The following CRTAM variants were observed in gnomAD, a reference collection of about 807,000 sequenced individuals.
CRTAM encodes the protein cytotoxic and regulatory T-cell molecule.
Under a neutral mutation model 50.0 loss-of-function variants are expected in CRTAM, and 44 were observed. That is an observed-to-expected ratio of 0.88 (90% CI 0.69 to 1.13). CRTAM has a LOEUF of 1.13. Among genes scored for constraint, CRTAM ranks in the 50% most tolerant of loss-of-function variants. The pLI is 0.00. For missense variants in CRTAM, 448 were observed against 457.5 expected (o/e 0.98, Z 0.19); for synonymous variants, 159 against 169.3 (o/e 0.94, Z 0.47).
intron 2 of CRTAM, 51 bp downstream of exon 2, chr11:122,850,265 T>G: frequency 6.6e-7 from 1 of 1,520,628 alleles, no homozygotes; most frequent in Non-Finnish European, 8.9e-7. Context: ...ACCTGAGGGT[T>G]TTTCCAGCCG....
chr11:122,849,747 C>T (rs1479784656), intron 1 of CRTAM, among the ~76,000 whole-genome samples: 1 of 151,874 alleles, frequency 6.6e-6, no homozygotes, highest in Non-Finnish European at 1.5e-5. Flanking sequence ...AAATTCAATA[C>T]AGGTAAATGG....
intron 8 of CRTAM, 87 bp from the exon 9 acceptor site, chr11:122,867,926 A>G (rs1448474672): frequency 1.3e-6 from 1 of 784,898 alleles, no homozygotes; most frequent in Non-Finnish European, 2.2e-6. Context: ...ACTATTGCAC[A>G]GTAACAGAGG....
intron 5 of CRTAM, among the ~76,000 whole-genome samples, chr11:122,859,904 A>G (rs942068772): frequency 6.6e-6 from 1 of 151,530 alleles, no homozygotes; most frequent in Non-Finnish European, 1.5e-5. Context: ...TCCAATGTTG[A>G]TATATTTCAG....
chr11:122,858,732 G>A (rs1231901504), intron 5 of CRTAM, among the ~76,000 whole-genome samples: 2 of 151,636 alleles, frequency 1.3e-5, no homozygotes, highest in Non-Finnish European at 2.9e-5. Flanking sequence ...TCTCATTATG[G>A]TGCCCAGGCT....
chr11:122,851,301 T>C (rs1861926065), intron 2 of CRTAM, among the ~76,000 whole-genome samples: 1 of 152,050 alleles, frequency 6.6e-6, no homozygotes, highest in African/African-American at 2.4e-5. Context: ...TTTGAAAGCA[T>C]TATTAGATAC....
At chr11:122,850,777 T>C (rs993362006) in intron 2 of CRTAM, among the ~76,000 whole-genome samples, 1 of 152,192 alleles carries the variant, frequency 6.6e-6, no homozygotes, top group Admixed American at 6.5e-5. Flanking sequence ...CAAACACACA[T>C]GAAGAAAGTA....
At chr11:122,849,088 A>G (rs893139794) in intron 1 of CRTAM, among the ~76,000 whole-genome samples, 1 of 152,164 alleles carries the variant, frequency 6.6e-6, no homozygotes, top group Non-Finnish European at 1.5e-5. Flanking sequence ...ATCTTAGAAC[A>G]TCCTCCCTCT....
At chr11:122,860,948 C>T (rs1039519940) in intron 5 of CRTAM, among the ~76,000 whole-genome samples, 15 of 152,164 alleles carry the variant, frequency 9.9e-5, no homozygotes, top group Non-Finnish European at 1.3e-4. Flanking sequence ...CTGCCTGCCT[C>T]GGCCCCCCAC....
chr11:122,864,815 C>G (rs1367220967), intron 7 of CRTAM, 96 bp downstream of exon 7: 1 of 847,158 alleles, frequency 1.2e-6, no homozygotes, highest in East Asian at 2.6e-5. Context: ...CTTTTCTTGA[C>G]CTTTCTGCCC....
chr11:122,844,142 G>C (rs572958636), intron 1 of CRTAM, among the ~76,000 whole-genome samples: 3 of 152,280 alleles, frequency 2.0e-5, no homozygotes, highest in Admixed American at 6.5e-5. Flanking sequence ...CTCAGCAAGT[G>C]CAAACATTAA....
At chr11:122,849,271 C>T (rs753780703) in intron 1 of CRTAM, among the ~76,000 whole-genome samples, 16 of 152,182 alleles carry the variant, frequency 1.1e-4, no homozygotes, top group Non-Finnish European at 1.8e-4. Context: ...TTTTCTGGGG[C>T]CTTGTGGCTT....
chr11:122,865,726 C>A (rs1862163358), intron 7 of CRTAM, among the ~76,000 whole-genome samples: 1 of 152,226 alleles, frequency 6.6e-6, no homozygotes, highest in Non-Finnish European at 1.5e-5. Context: ...ACAGCACCTT[C>A]TCCCACAAAA....
At chr11:122,862,663 G>A (rs1862102497) in intron 6 of CRTAM, 119 bp downstream of exon 6, 1 of 654,084 alleles carries the variant, frequency 1.5e-6, no homozygotes, top group East Asian at 2.7e-5. Context: ...AGACCATACA[G>A]GCCCCTCCAA....
rs551040862 is a variant in CRTAM, at chr11:122,863,142, T to G, written c.733+598T>G. 2.0e-5 allele frequency among the ~76,000 whole-genome samples: 3 copies of G among 152,142 alleles called. No homozygotes were observed. The South Asian group carries it at 6.2e-4, about 32-fold the overall frequency. Reference sequence around the variant, plus strand: ...GACAGTGAACTCACTAGAGGTTAACTCAGAGCAATGATTGTATATCTAATT... The same window carrying G: ...GACAGTGAACTCACTAGAGGTTAACGCAGAGCAATGATTGTATATCTAATT... On this transcript the variant is annotated intron_variant, in intron 6 of 9. Coordinates refer to ENST00000227348, the MANE Select transcript of CRTAM (RefSeq NM_019604.4).
rs147076678 is a variant in CRTAM, at chr11:122,840,267, G to A, written c.46+1675G>A. On this transcript the variant is annotated intron_variant, in intron 1 of 9. Transcript: ENST00000227348. Reference sequence around the variant, plus strand: ...TGTGTTAATTACACTTAATCATAGCGGAAGTACTGAGGTAGGTACTAATAT... The same window carrying A: ...TGTGTTAATTACACTTAATCATAGCAGAAGTACTGAGGTAGGTACTAATAT... Among the ~76,000 whole-genome samples, 6 of 152,208 alleles carry A rather than the reference G, an allele frequency of 3.9e-5. No homozygotes were observed. The East Asian group carries it at 7.7e-4, about 20-fold the overall frequency.
At position 122,838,530 on chromosome 11, in the gene CRTAM, C is replaced by G. The variant is rs760851503; in HGVS notation, c.-17C>G. ...CTAGAGGAAGTTGACAAAGGTGCCA[C>G]AGCAGCACAGCACAGTATGTGGTGG... On this transcript the variant is annotated 5_prime_UTR_variant, in exon 1 of 10. Transcript: ENST00000227348. The G allele has an allele frequency of 1.2e-6, 2 of 1,613,564 alleles. No homozygotes were observed. Among genetic ancestry groups the G allele is most frequent in the African/African-American group, 2.7e-5 (2 of 75,044 alleles).
At chr11:122,850,648 G>A (rs1861918615) in intron 2 of CRTAM, among the ~76,000 whole-genome samples, 1 of 152,166 alleles carries the variant, frequency 6.6e-6, no homozygotes, top group Non-Finnish European at 1.5e-5. Flanking sequence ...ACATTACAAA[G>A]CTCCTTTCCA....
At chr11:122,856,287 C>T (rs1438804956) in intron 5 of CRTAM, among the ~76,000 whole-genome samples, 1 of 152,050 alleles carries the variant, frequency 6.6e-6, no homozygotes, top group Non-Finnish European at 1.5e-5. Flanking sequence ...AGACATAATT[C>T]CTGTTTAGAT....
In CRTAM at chr11:122,862,536, C is replaced by T. The variant is rs763317059; in HGVS notation, c.725C>T (p.Thr242Ile). 2.5e-6 allele frequency: 4 copies of T among 1,596,020 alleles called. No individual in the cohort carries two copies. The African/African-American group carries it at 5.4e-5, about 21-fold the overall frequency. The change falls in exon 6 of 10, where the codon ACC becomes ATC. Residue 242 changes from threonine (T) to isoleucine (I), a missense_variant. Transcript: ENST00000227348. ...TCCTCTCAAGACCCACAGCAGCCCA[C>T]CAGTACTGGTAAGTGTCAAAATCAT... is the stretch of plus-strand genomic sequence containing the variant. Reference protein sequence around the residue: ...SLSSQDPQQPTSTVSVTEDSS... With the variant: ...SLSSQDPQQPISTVSVTEDSS...
Sources: allele counts gnomAD v4.1 joint callset (sites outside exome capture counted in the v4.1 genomes callset), GRCh38; gene constraint gnomAD v4.1.1; transcripts MANE v1.5; gene names NCBI Gene and HGNC (gene_info 2026-07-23, HGNC 2026-07-21).